Variants in SDK1 observed in about 807,000 individuals in gnomAD.
The protein encoded by SDK1 is sidekick cell adhesion molecule 1, also known as protein sidekick-1.
In SDK1, 157 loss-of-function variants were observed where a neutral mutation model predicts 245.5. That is an observed-to-expected ratio of 0.64 (90% CI 0.56 to 0.73). The LOEUF is 0.73. SDK1 is among the 30% of genes least tolerant of loss of function. SDK1 has a pLI of 0.00. For missense variants in SDK1, 3,583 were observed against 3,002.3 expected (o/e 1.19, Z -4.52); for synonymous variants, 1,647 against 1,278.5 (o/e 1.29, Z -6.15).
intron 5 of SDK1, among the ~76,000 whole-genome samples, chr7:3,832,036 G>A (rs1459799858): frequency 1.3e-5 from 2 of 152,142 alleles, no homozygotes; most frequent in African/African-American, 2.4e-5. Flanking sequence ...GGGCAACACA[G>A]CAAGACCCTG....
chr7:3,535,295 C>A (rs1168331823), intron 1 of SDK1, among the ~76,000 whole-genome samples: 1 of 152,020 alleles, frequency 6.6e-6, no homozygotes, highest in Non-Finnish European at 1.5e-5. Context: ...AAAAAGAAAA[C>A]TGTTAGGCTA....
At chr7:4,111,259 G>A (rs964539092) in intron 23 of SDK1, among the ~76,000 whole-genome samples, 2 of 152,202 alleles carry the variant, frequency 1.3e-5, no homozygotes, top group Admixed American at 1.3e-4. Flanking sequence ...CCCCGAAACT[G>A]ATCCGGGCAG....
chr7:3,485,829 A>G (rs534287508), intron 1 of SDK1, among the ~76,000 whole-genome samples: 3 of 151,306 alleles, frequency 2.0e-5, no homozygotes, highest in Non-Finnish European at 2.9e-5. Flanking sequence ...GAATCCAACT[A>G]TGGTGGCTTT....
intron 1 of SDK1, among the ~76,000 whole-genome samples, chr7:3,358,266 C>T (rs1337272991): frequency 1.3e-5 from 2 of 152,190 alleles, no homozygotes; most frequent in African/African-American, 4.8e-5. Context: ...AAGTGATCTG[C>T]CCGTCTCAGC....
intron 33 of SDK1, among the ~76,000 whole-genome samples, chr7:4,175,316 A>C (rs1782126470): frequency 6.6e-6 from 1 of 152,204 alleles, no homozygotes; most frequent in African/African-American, 2.4e-5. Flanking sequence ...GCAAAATCAA[A>C]ACAGCACAGT....
intron 1 of SDK1, among the ~76,000 whole-genome samples, chr7:3,391,099 AT>A (rs1393050025): frequency 6.6e-6 from 1 of 152,202 alleles, no homozygotes; most frequent in Non-Finnish European, 1.5e-5. Flanking sequence ...AGAATAGAAT[AT>A]AAAAACCTTG....
At chr7:3,534,212 A>G (rs548030888) in intron 1 of SDK1, among the ~76,000 whole-genome samples, 1 of 152,116 alleles carries the variant, frequency 6.6e-6, no homozygotes, top group African/African-American at 2.4e-5. Flanking sequence ...ATCTTGTCAC[A>G]TATTGCAGGA....
intron 1 of SDK1, among the ~76,000 whole-genome samples, chr7:3,496,822 A>G (rs908302319): frequency 6.6e-6 from 1 of 152,168 alleles, no homozygotes; most frequent in Non-Finnish European, 1.5e-5. Context: ...AAATTTGGCT[A>G]ATTTCTCCTG....
At position 4,193,155 on chromosome 7, in the gene SDK1, AT is replaced by A. The variant is rs1188673236; in HGVS notation, c.5099-12723del. ...ATAAATATATTAATATATTTATATA[AT>A]ATATATTAAAATATTTATATATTGT... On this transcript the variant is annotated intron_variant, in intron 35 of 44. Transcript: ENST00000404826. Among the ~76,000 whole-genome samples, 931 of 130,044 alleles carry A rather than the reference AT, an allele frequency of 7.2e-3. 10 individuals carry two copies. The highest frequency in any genetic ancestry group is 0.025 in the African/African-American group (884 of 35,134). The allele number at this position is 130,044 out of a possible 152,430, so 85.3% of individuals were successfully genotyped here.
chr7:3,668,377 C>G (rs911105103), intron 4 of SDK1, among the ~76,000 whole-genome samples: 1 of 152,164 alleles, frequency 6.6e-6, no homozygotes, highest in Non-Finnish European at 1.5e-5. Context: ...ACCAGAGACC[C>G]CAGTTCCTTT....
intron 1 of SDK1, among the ~76,000 whole-genome samples, chr7:3,553,510 C>T (rs917149806): frequency 4.6e-5 from 7 of 152,092 alleles, no homozygotes; most frequent in East Asian, 1.9e-4. Context: ...CTCACATTCC[C>T]TCACCCATCA....
chr7:4,057,258 G>T (rs538008624), intron 19 of SDK1, among the ~76,000 whole-genome samples: 1 of 152,314 alleles, frequency 6.6e-6, no homozygotes, highest in Admixed American at 6.5e-5. Flanking sequence ...TGCTTGGCTT[G>T]CTCAGCCTCC....
chr7:3,532,307 G>A lies in SDK1; in HGVS notation c.299-86773G>A, dbSNP rs1398523566. ...ATCCAGGGAGGCTCAGAGTGAGGGT[G>A]TAGGGAAGAAAGAGTATTCTTTAAT... On this transcript the variant is annotated intron_variant, in intron 1 of 44. Transcript: ENST00000404826. Among the ~76,000 whole-genome samples, 7 of 152,318 alleles carry A rather than the reference G, an allele frequency of 4.6e-5. No homozygotes were observed. The South Asian group carries it at 1.2e-3, about 27-fold the overall frequency.
intron 4 of SDK1, among the ~76,000 whole-genome samples, chr7:3,679,586 G>A (rs1397271256): frequency 1.3e-5 from 2 of 152,008 alleles, no homozygotes; most frequent in South Asian, 2.1e-4. Context: ...AAGAAAATGG[G>A]CAAAGGAGAT....
At chr7:4,250,787 TTTA>T (rs1761938055) in intron 44 of SDK1, among the ~76,000 whole-genome samples, 2 of 152,276 alleles carry the variant, frequency 1.3e-5, no homozygotes, top group Admixed American at 1.3e-4. Context: ...TAAAAAATGC[TTTA>T]TTGAGTTATA....
chr7:3,561,495 G>A (rs565830486), intron 1 of SDK1, among the ~76,000 whole-genome samples: 46 of 152,312 alleles, frequency 3.0e-4, no homozygotes, highest in African/African-American at 9.1e-4. Context: ...GCTTTCTCAT[G>A]AGCACTGTTT....
At chr7:3,519,610 T>C (rs1349816160) in intron 1 of SDK1, among the ~76,000 whole-genome samples, 3 of 152,154 alleles carry the variant, frequency 2.0e-5, no homozygotes, top group Non-Finnish European at 2.9e-5. Context: ...ATACCAGTTT[T>C]ATAAAGAAAT....
At position 4,051,665 on chromosome 7, in the gene SDK1, G is replaced by A. The variant is rs757988298; in HGVS notation, c.2746G>A (p.Glu916Lys). ...TCTGGCATGGCCGGCAGATGCCCCC[G>A]AGGCTGTCACTGTGGTCACTATTGC... ...KLLAWPADAP[E>K]AVTVVTIAPD... The change falls in exon 19 of 45, where the codon GAG (glutamate) becomes AAG (lysine). Residue 916 changes from glutamate to lysine, a missense_variant. Glu to Lys is a moderately conservative substitution (Grantham distance 56, BLOSUM62 1). Coordinates refer to ENST00000404826, the MANE Select transcript of SDK1 (RefSeq NM_152744.4). 3.2e-5 allele frequency: 52 copies of A among 1,612,094 alleles called. No individual in the cohort carries two copies. In the East Asian group the frequency reaches 4.9e-4, roughly 15 times the overall value.
Position 4,265,270 on chromosome 7 carries a change from C to A in SDK1, c.6528C>A (p.Ser2176=), listed in dbSNP as rs1023274888. 1 of 1,593,396 alleles carries A rather than the reference C, an allele frequency of 6.3e-7. No individual in the cohort carries two copies. ...APHRYEAVAG[S]EAGAQLHPVI... ...ACAGGTACGAGGCGGTGGCGGGCTC[C>A]GAGGCGGGCGCGCAGCTGCACCCGG... is the stretch of plus-strand genomic sequence containing the variant. Residue 2176 remains serine, a synonymous_variant, in exon 45 of 45, where the codon TCC becomes TCA. Coordinates refer to ENST00000404826, the MANE Select transcript of SDK1 (RefSeq NM_152744.4).
Sources: allele counts gnomAD v4.1 joint callset (sites outside exome capture counted in the v4.1 genomes callset), GRCh38; gene constraint gnomAD v4.1.1; transcripts MANE v1.5; gene names NCBI Gene and HGNC (gene_info 2026-07-23, HGNC 2026-07-21).